RIMS1: variants seen among roughly 807,000 people sequenced by gnomAD.
RIMS1 encodes the protein regulating synaptic membrane exocytosis 1.
Under a neutral mutation model 214.1 loss-of-function variants are expected in RIMS1, and 83 were observed. The observed-to-expected ratio is 0.39, with a 90% CI of 0.32 to 0.47. The LOEUF (loss-of-function observed/expected upper bound fraction) is 0.47. Ranked by LOEUF, RIMS1 falls within the 20% of genes least tolerant of loss-of-function variation. The pLI is 0.99. For missense variants in RIMS1, 2,050 were observed against 2,161.8 expected, an observed-to-expected ratio of 0.95 and a Z score of 1.03; for synonymous variants, 793 against 786.8, an observed-to-expected ratio of 1.01 and a Z score of -0.13.
intron 2 of RIMS1, among the ~76,000 whole-genome samples, chr6:71,980,837 A>T (rs148069471): frequency 0.013 from 1,925 of 152,216 alleles, 45 homozygotes; most frequent in African/African-American, 0.042. Context: ...AAGTGGATGT[A>T]GTTATGAAAG....
intron 26 of RIMS1, among the ~76,000 whole-genome samples, chr6:72,293,485 C>T (rs914987662): frequency 4.6e-5 from 7 of 151,772 alleles, no homozygotes; most frequent in Admixed American, 4.6e-4. Context: ...TATTCATGAG[C>T]TCCTGTTGCA....
intron 28 of RIMS1, chr6:72,317,333 C>T (rs1262674026): frequency 4.0e-6 from 1 of 252,334 alleles, no homozygotes; most frequent in Non-Finnish European, 7.8e-6. Context: ...CATAGCGACT[C>T]TGCTGGGATC....
intron 1 of RIMS1, among the ~76,000 whole-genome samples, chr6:71,927,507 AT>A (rs1781885534): frequency 6.6e-6 from 1 of 152,176 alleles, no homozygotes; most frequent in Non-Finnish European, 1.5e-5. Flanking sequence ...TAATTGACTG[AT>A]TAGACAAAAT....
At chr6:72,069,249 G>T (rs1352647420) in intron 2 of RIMS1, among the ~76,000 whole-genome samples, 1 of 152,200 alleles carries the variant, frequency 6.6e-6, no homozygotes, top group Non-Finnish European at 1.5e-5. Flanking sequence ...GCACCTAGGT[G>T]CTTTGCTGCT....
At chr6:72,085,532 A>T (rs1834448581) in intron 2 of RIMS1, among the ~76,000 whole-genome samples, 1 of 152,168 alleles carries the variant, frequency 6.6e-6, no homozygotes, top group Non-Finnish European at 1.5e-5. Context: ...ATTTATGCTT[A>T]AAGTTTCATT....
chr6:72,277,686 T>C lies in RIMS1; in HGVS notation c.3482+3254T>C, dbSNP rs1563445580. ...CCAGGGGATGTTTTCGATTTTAAAA[T>C]TGTAGTGAAAATTTCCTTGTAGTTT... On this transcript the variant is annotated intron_variant, in intron 23 of 33. Coordinates refer to ENST00000521978, the MANE Select transcript of RIMS1 (RefSeq NM_014989.7). Among the ~76,000 whole-genome samples the C allele has an allele frequency of 2.0e-5, 3 of 152,248 alleles. No individual in the cohort carries two copies. The East Asian group carries it at 5.8e-4, about 29-fold the overall frequency.
intron 1 of RIMS1, among the ~76,000 whole-genome samples, chr6:71,939,739 C>T (rs1785475148): frequency 6.6e-6 from 1 of 152,176 alleles, no homozygotes; most frequent in Non-Finnish European, 1.5e-5. Flanking sequence ...GCAGAGCTTT[C>T]ATGACCTAAT....
At chr6:72,178,784 G>T (rs920512901) in intron 4 of RIMS1, among the ~76,000 whole-genome samples, 9 of 152,120 alleles carry the variant, frequency 5.9e-5, no homozygotes, top group African/African-American at 2.2e-4. Flanking sequence ...CATTTTAAAG[G>T]TCATCAAATG....
At chr6:72,389,868 C>T (rs2098674523) in intron 29 of RIMS1, among the ~76,000 whole-genome samples, 1 of 152,084 alleles carries the variant, frequency 6.6e-6, no homozygotes, top group Admixed American at 6.6e-5. Context: ...TTCCTCTGAG[C>T]TTATCAAGAA....
chr6:72,100,692 A>G (rs1439676456), intron 4 of RIMS1, among the ~76,000 whole-genome samples: 1 of 67,712 alleles, frequency 1.5e-5, no homozygotes, highest in Non-Finnish European at 4.2e-5. Flanking sequence ...GGTATGAATT[A>G]CACCTTCATT....
intron 27 of RIMS1, among the ~76,000 whole-genome samples, chr6:72,311,536 T>C (rs1290099812): frequency 6.6e-6 from 1 of 152,220 alleles, no homozygotes; most frequent in Non-Finnish European, 1.5e-5. Flanking sequence ...AGTTTAGATA[T>C]AATAACATAT....
intron 10 of RIMS1, 38 bp from the exon 11 acceptor site, chr6:72,245,777 T>A: frequency 1.3e-6 from 2 of 1,554,208 alleles, no homozygotes; most frequent in Non-Finnish European, 1.8e-6. Context: ...CAGGGTCATT[T>A]AACTAATGGG....
At chr6:72,356,324 GT>G in intron 29 of RIMS1, among the ~76,000 whole-genome samples, 1 of 152,034 alleles carries the variant, frequency 6.6e-6, no homozygotes, top group South Asian at 2.1e-4. Context: ...AAAAAATGAT[GT>G]TCTGTGTTTC....
intron 16 of RIMS1, among the ~76,000 whole-genome samples, chr6:72,254,637 A>G (rs1218899345): frequency 6.6e-6 from 1 of 152,188 alleles, no homozygotes; most frequent in Non-Finnish European, 1.5e-5. Context: ...TGAGACAGGG[A>G]AGTAAATGAT....
At chr6:72,057,176 A>G (rs1436304371) in intron 2 of RIMS1, among the ~76,000 whole-genome samples, 1 of 152,212 alleles carries the variant, frequency 6.6e-6, no homozygotes, top group Non-Finnish European at 1.5e-5. Context: ...AAAGTTAAAA[A>G]AAATTCAAAC....
At chr6:72,312,196 G>A (rs924255259) in intron 27 of RIMS1, among the ~76,000 whole-genome samples, 3 of 151,980 alleles carry the variant, frequency 2.0e-5, no homozygotes, top group African/African-American at 7.2e-5. Flanking sequence ...ACATCACAAA[G>A]GATAGATGAC....
At chr6:72,388,918 G>C (rs985486937) in intron 29 of RIMS1, among the ~76,000 whole-genome samples, 3 of 152,164 alleles carry the variant, frequency 2.0e-5, no homozygotes, top group African/African-American at 7.2e-5. Context: ...TGTAAATGGA[G>C]CTACTAGGCA....
At chr6:72,155,859 C>T (rs994871697) in intron 4 of RIMS1, among the ~76,000 whole-genome samples, 3 of 139,894 alleles carry the variant, frequency 2.1e-5, no homozygotes, top group Non-Finnish European at 4.9e-5. Context: ...ATATCACTGG[C>T]CCGTAGGTAT....
chr6:72,160,657 T>C (rs1340539509), intron 4 of RIMS1, among the ~76,000 whole-genome samples: 1 of 141,256 alleles, frequency 7.1e-6, no homozygotes, highest in Non-Finnish European at 1.6e-5. Context: ...GGTTTTGTCA[T>C]TGGTTCTGTT....
Sources: gnomAD v4.1 joint callset for allele counts (sites outside exome capture counted in the v4.1 genomes callset) on GRCh38, gnomAD v4.1.1 for gene constraint, MANE v1.5 for transcripts, NCBI Gene and HGNC (gene_info 2026-07-23, HGNC 2026-07-21) for gene names.